The following PFKFB3 variants were observed in gnomAD, a reference collection of about 807,000 sequenced individuals.
PFKFB3 encodes the protein 6-phosphofructo-2-kinase/fructose-2,6-bisphosphatase 3.
Under a neutral mutation model 68.0 loss-of-function variants are expected in PFKFB3, and 33 were observed. The observed-to-expected ratio is 0.49, with a 90% CI of 0.37 to 0.65. The LOEUF (loss-of-function observed/expected upper bound fraction) is 0.65. PFKFB3 is among the 30% of genes least tolerant of loss of function. The probability of loss-of-function intolerance (pLI) is 0.00; values close to 1 mark genes in which losing one functional copy is unlikely to be tolerated. For synonymous variants in PFKFB3, 315 were observed against 288.2 expected (o/e 1.09, Z -0.94); for missense variants, 586 against 712.2 (o/e 0.82, Z 2.02).
chr10:6,302,959 T>A, the PFKFB3 span, among the ~76,000 whole-genome samples: 1 of 152,044 alleles, frequency 6.6e-6, no homozygotes, highest in Non-Finnish European at 1.5e-5. Context: ...GCGCTCGAGG[T>A]AACGGGATGT....
chr10:6,180,070 C>T (rs560009298), intron 1 of PFKFB3, among the ~76,000 whole-genome samples: 8 of 151,930 alleles, frequency 5.3e-5, no homozygotes, highest in African/African-American at 1.4e-4. Context: ...GGGCCAGGCT[C>T]GGTGGCGCTC....
intron 14 of PFKFB3, among the ~76,000 whole-genome samples, chr10:6,250,439 C>T (rs55778376): frequency 0.031 from 4,739 of 151,966 alleles, 268 homozygotes; most frequent in African/African-American, 0.11. Context: ...GGCATGGTGG[C>T]GGGCGCCTGT....
the PFKFB3 span, among the ~76,000 whole-genome samples, chr10:6,314,821 C>A: frequency 0.13 from 19,364 of 152,118 alleles, 1,946 homozygotes; most frequent in East Asian, 0.51. Flanking sequence ...ACGAACCCAT[C>A]ATGAGAAGCT....
upstream of PFKFB3, among the ~76,000 whole-genome samples, chr10:6,199,653 T>G (rs1011543425): frequency 7.9e-5 from 11 of 138,374 alleles, no homozygotes; most frequent in African/African-American, 3.0e-4. Flanking sequence ...CCCAGCTATT[T>G]TTAAATTTTT....
At chr10:6,206,392 TCC>T (rs1409103466) in intron 1 of PFKFB3, among the ~76,000 whole-genome samples, 1 of 132,674 alleles carries the variant, frequency 7.5e-6, no homozygotes, top group Non-Finnish European at 1.6e-5. Context: ...TCTCAATCTT[TCC>T]CCGCCCCTTT....
chr10:6,182,177 A>G (rs528936655), intron 1 of PFKFB3, among the ~76,000 whole-genome samples: 9 of 152,166 alleles, frequency 5.9e-5, no homozygotes, highest in Non-Finnish European at 1.3e-4. Flanking sequence ...TGTCTCCCCA[A>G]GTTTTCTCTC....
the PFKFB3 span, among the ~76,000 whole-genome samples, chr10:6,326,367 A>G: frequency 3.3e-5 from 5 of 152,202 alleles, no homozygotes; most frequent in African/African-American, 7.2e-5. Flanking sequence ...ACGGGTTGAT[A>G]GGAGCAGCAA....
rs1402085216 is a variant in PFKFB3, at chr10:6,234,854, C to T, written c.*1912C>T. ...CCCCTCTGACTACCTAAAATCAATA[C>T]CTAAATACAGAAGCCTTGGTCTAAC... On this transcript the variant is annotated 3_prime_UTR_variant, in exon 15 of 15. Coordinates refer to ENST00000379775, the MANE Select transcript of PFKFB3 (RefSeq NM_004566.4). 2.0e-5 allele frequency: 3 copies of T among 152,214 alleles called. No homozygotes were observed. Among genetic ancestry groups the T allele is most frequent in the Non-Finnish European group, 4.4e-5 (3 of 68,032 alleles). The allele number at this position is 152,214 out of a possible 1,614,324, so 9.4% of individuals were successfully genotyped here.
intron 1 of PFKFB3, among the ~76,000 whole-genome samples, chr10:6,159,769 TTTTA>T (rs202125222): frequency 6.6e-6 from 1 of 151,530 alleles, no homozygotes; most frequent in Non-Finnish European, 1.5e-5. Flanking sequence ...GTAAGGTACT[TTTTA>T]TTTATTTACT....
intron 1 of PFKFB3, among the ~76,000 whole-genome samples, chr10:6,207,144 C>T (rs536420011): frequency 8.3e-4 from 126 of 152,348 alleles, no homozygotes; most frequent in Admixed American, 3.7e-3. Context: ...CCAGCCTGGG[C>T]ACCATTGAGC....
chr10:6,155,698 T>C (rs1841759745), intron 1 of PFKFB3, among the ~76,000 whole-genome samples: 1 of 152,148 alleles, frequency 6.6e-6, no homozygotes, highest in African/African-American at 2.4e-5. Context: ...ATCAGGATAC[T>C]GGCTTGTCCT....
chr10:6,310,428 C>T, the PFKFB3 span, among the ~76,000 whole-genome samples: 1 of 151,988 alleles, frequency 6.6e-6, no homozygotes, highest in Non-Finnish European at 1.5e-5. Flanking sequence ...CTGTTTACAT[C>T]GCGAGTCTCT....
chr10:6,255,335 G>A (rs1361679055), downstream of PFKFB3, among the ~76,000 whole-genome samples: 2 of 151,796 alleles, frequency 1.3e-5, no homozygotes, highest in African/African-American at 2.4e-5. Context: ...TGTTGGTCAG[G>A]CTGGTCTCAA....
chr10:6,244,085 C>T (rs1032600746), intron 14 of PFKFB3, among the ~76,000 whole-genome samples: 3 of 152,162 alleles, frequency 2.0e-5, no homozygotes, highest in African/African-American at 7.2e-5. Flanking sequence ...GTCTTGAAGT[C>T]CTGGGCTCAA....
At chr10:6,240,367 C>T (rs749415257), downstream of PFKFB3, among the ~76,000 whole-genome samples, 8 of 152,178 alleles carry the variant, frequency 5.3e-5, no homozygotes, top group Non-Finnish European at 8.8e-5. Context: ...TGGGTTCAAG[C>T]GATTCTTGTG....
At chr10:6,194,142 G>A (rs1303539594) in intron 1 of PFKFB3, among the ~76,000 whole-genome samples, 1 of 152,052 alleles carries the variant, frequency 6.6e-6, no homozygotes, top group African/African-American at 2.4e-5. Context: ...GTGTAGAGAG[G>A]GTCAGAAACC....
upstream of PFKFB3, chr10:6,197,926 CT>C (rs1285543585): frequency 6.6e-6 from 1 of 152,132 alleles, no homozygotes; most frequent in Non-Finnish European, 1.5e-5. Context: ...TTTTCTTTTA[CT>C]TTTTGTTTTA....
intron 1 of PFKFB3, among the ~76,000 whole-genome samples, chr10:6,155,003 C>A (rs1841724453): frequency 6.6e-6 from 1 of 152,094 alleles, no homozygotes; most frequent in South Asian, 2.1e-4. Context: ...AGGATGGGAC[C>A]CAGTAAGCAG....
At chr10:6,224,581 A>C (rs1197054901) in intron 13 of PFKFB3, 1 of 433,728 alleles carries the variant, frequency 2.3e-6, no homozygotes, top group Non-Finnish European at 4.6e-6. Context: ...CCTGGGTTCA[A>C]GTGATCCTCC....
Sources: gnomAD v4.1 joint callset for allele counts (sites outside exome capture counted in the v4.1 genomes callset) on GRCh38, gnomAD v4.1.1 for gene constraint, MANE v1.5 for transcripts, NCBI Gene and HGNC (gene_info 2026-07-23, HGNC 2026-07-21) for gene names.